CCDC7: variants seen among roughly 807,000 people sequenced by gnomAD.
CCDC7 encodes coiled-coil domain containing 7.
In CCDC7, 183 loss-of-function variants were observed where a neutral mutation model predicts 196.9. The ratio of observed to expected loss-of-function variants is 0.93; its 90% CI spans 0.82 to 1.05. The LOEUF (loss-of-function observed/expected upper bound fraction) is 1.05. Ranked by LOEUF, CCDC7 falls within the 50% of genes least tolerant of loss-of-function variation. CCDC7 has a pLI of 0.00. For synonymous variants in CCDC7, 525 were observed against 484.6 expected (o/e 1.08, Z -1.10); for missense variants, 1,540 against 1,482.2 (o/e 1.04, Z -0.64).
At chr10:32,718,213 G>A (rs1197052965) in intron 25 of CCDC7, among the ~76,000 whole-genome samples, 2 of 152,284 alleles carry the variant, frequency 1.3e-5, no homozygotes, top group East Asian at 3.9e-4. Flanking sequence ...TCCCTGGGAT[G>A]CAAGACTGGT....
At chr10:32,603,073 T>C (rs1380393587) in intron 18 of CCDC7, among the ~76,000 whole-genome samples, 1 of 152,198 alleles carries the variant, frequency 6.6e-6, no homozygotes, top group Non-Finnish European at 1.5e-5. Context: ...ATTGTGTGTT[T>C]TAACGCATTA....
intron 13 of CCDC7, among the ~76,000 whole-genome samples, chr10:32,551,116 A>C (rs1348694346): frequency 6.6e-6 from 1 of 151,920 alleles, no homozygotes; most frequent in Non-Finnish European, 1.5e-5. Context: ...ATTCTTCCTG[A>C]TTTAAGCTAG....
At chr10:32,728,988 A>G in exon 27 of CCDC7, 1 of 1,576,846 alleles carries the variant, frequency 6.3e-7, no homozygotes, top group Non-Finnish European at 8.7e-7. Flanking sequence ...TGGAGTGGAA[A>G]GACACAAGAG....
intron 24 of CCDC7, among the ~76,000 whole-genome samples, chr10:32,703,844 G>A (rs60182087): frequency 2.0e-5 from 3 of 151,898 alleles, no homozygotes; most frequent in East Asian, 1.9e-4. Flanking sequence ...CGTAGTTCTC[G>A]TGCCTTGGTT....
exon 14 of CCDC7, chr10:32,565,581 G>C (rs148149537): frequency 1.2e-6 from 2 of 1,609,414 alleles, no homozygotes; most frequent in Admixed American, 1.7e-5. Context: ...TGGAAATTGA[G>C]AACAAAGTCC....
intron 29 of CCDC7, among the ~76,000 whole-genome samples, chr10:32,799,102 G>A (rs1194321081): frequency 6.6e-6 from 1 of 152,296 alleles, no homozygotes; most frequent in Non-Finnish European, 1.5e-5. Context: ...TTTATGGCTA[G>A]ATGGGTCAGA....
chr10:32,443,334 A>G (rs2030458150), upstream of CCDC7, among the ~76,000 whole-genome samples: 1 of 151,806 alleles, frequency 6.6e-6, no homozygotes, highest in Non-Finnish European at 1.5e-5. Context: ...AGTTGCTGTT[A>G]CTCCATCTTG....
chr10:32,837,311 G>A (rs2092681713), intron 33 of CCDC7, among the ~76,000 whole-genome samples: 2 of 152,072 alleles, frequency 1.3e-5, no homozygotes, highest in Non-Finnish European at 2.9e-5. Flanking sequence ...GCAGCCAAAA[G>A]ACACATGAAA....
intron 20 of CCDC7, among the ~76,000 whole-genome samples, chr10:32,658,551 G>C (rs1170845932): frequency 6.6e-6 from 1 of 152,056 alleles, no homozygotes; most frequent in African/African-American, 2.4e-5. Context: ...TGACACATGG[G>C]GATTATGGAA....
chr10:32,461,691 A>ATGTGTG (rs200853278), intron 3 of CCDC7, among the ~76,000 whole-genome samples: 32 of 106,436 alleles, frequency 3.0e-4, no homozygotes, highest in East Asian at 2.2e-3. Flanking sequence ...CCTTACATAT[A>ATGTGTG]TGTGTGTGTG....
At chr10:32,811,187 A>T (rs988723205) in intron 30 of CCDC7, among the ~76,000 whole-genome samples, 5 of 152,070 alleles carry the variant, frequency 3.3e-5, no homozygotes, top group African/African-American at 1.2e-4. Context: ...AGTGAAATAG[A>T]TACTTAAGCA....
chr10:32,673,947 A>G (rs1025928717), intron 21 of CCDC7, among the ~76,000 whole-genome samples: 1 of 151,882 alleles, frequency 6.6e-6, no homozygotes, highest in Non-Finnish European at 1.5e-5. Flanking sequence ...TTTCCATGGC[A>G]TCAGTTGTAG....
chr10:32,664,289 G>C (rs2072162901), intron 21 of CCDC7, 128 bp downstream of exon 22: 1 of 359,556 alleles, frequency 2.8e-6, no homozygotes, highest in African/African-American at 2.1e-5. Flanking sequence ...ATAATAAATT[G>C]TGGAATTTAA....
chr10:32,745,658 A>G (rs976059794), intron 28 of CCDC7, among the ~76,000 whole-genome samples: 3 of 152,190 alleles, frequency 2.0e-5, no homozygotes, highest in Admixed American at 6.5e-5. Context: ...CAGTTTCTAC[A>G]TGACCTTTGG....
rs1414863600 is a variant in CCDC7 at position 32,845,872 on chromosome 10, AT to A, written c.3521-3del. ...ATATATTGAAATCTGTTTTATTTCA[AT>A]AGAGACTGATAAGGAATTCTTGGCA... On this transcript the variant is annotated splice_polypyrimidine_tract_variant and splice_region_variant and intron_variant, in intron 35 of 41. Transcript: ENST00000639629. The A allele has an allele frequency of 6.3e-7, 1 of 1,599,756 alleles. No homozygotes were observed. Among genetic ancestry groups the A allele is most frequent in the African/African-American group, 1.3e-5 (1 of 74,514 alleles).
rs1239454784 is a variant in CCDC7, at chr10:32,637,404, G to A, written c.2014+2246G>A. On this transcript the variant is annotated intron_variant, in intron 20 of 41. Coordinates refer to ENST00000639629, the Ensembl canonical transcript of CCDC7. ...TTTAATCCATCTTGAATTAATTTTTGTATAAGGTGTAAAGAAGGGATCCAG... is the reference window on the plus strand; with the variant it reads ...TTTAATCCATCTTGAATTAATTTTTATATAAGGTGTAAAGAAGGGATCCAG... Among the ~76,000 whole-genome samples the A allele has an allele frequency of 2.0e-5, 3 of 152,278 alleles. No individual in the cohort carries two copies. In the East Asian group the frequency reaches 5.8e-4, roughly 29 times the overall value.
intron 13 of CCDC7, among the ~76,000 whole-genome samples, chr10:32,546,109 GA>G (rs1417724375): frequency 2.6e-5 from 4 of 152,056 alleles, no homozygotes; most frequent in African/African-American, 7.2e-5. Flanking sequence ...ACTGTCTCCT[GA>G]AAAACATATC....
At chr10:32,500,485 G>A (rs1431792332) in intron 9 of CCDC7, among the ~76,000 whole-genome samples, 1 of 150,936 alleles carries the variant, frequency 6.6e-6, no homozygotes, top group African/African-American at 2.4e-5. Flanking sequence ...CATCCCAGAC[G>A]ATGGGCGGCG....
rs1269426306 is a variant in CCDC7 at position 32,759,618 on chromosome 10, G to T, written c.2906-19359G>T. ...TCAAGATGGATTAAAGACTTACATG[G>T]TAGACCTAATACCATAAAAACCCTA... On this transcript the variant is annotated intron_variant, in intron 28 of 41. Coordinates refer to ENST00000639629, the Ensembl canonical transcript of CCDC7. Among the ~76,000 whole-genome samples the T allele has an allele frequency of 8.5e-5, 13 of 152,052 alleles. No individual in the cohort carries two copies. In the East Asian group the frequency reaches 1.2e-3, roughly 14 times the overall value.
Sources: allele counts gnomAD v4.1 joint callset (sites outside exome capture counted in the v4.1 genomes callset), GRCh38; gene constraint gnomAD v4.1.1; transcripts MANE v1.5; gene names NCBI Gene and HGNC (gene_info 2026-07-23, HGNC 2026-07-21).